The following TMEM132E variants were observed in gnomAD, a reference collection of about 807,000 sequenced individuals.
TMEM132E encodes transmembrane protein 132E.
Under a neutral mutation model 78.5 loss-of-function variants are expected in TMEM132E, and 49 were observed. The observed-to-expected ratio is 0.62, with a 90% confidence interval of 0.50 to 0.79. TMEM132E has a LOEUF of 0.79. Ranked by LOEUF, TMEM132E falls within the 30% of genes least tolerant of loss-of-function variation. TMEM132E has a pLI of 0.00. For missense variants in TMEM132E, 1,403 were observed against 1,470.9 expected, an observed-to-expected ratio of 0.95 and a Z score of 0.75; for synonymous variants, 715 against 670.6, an observed-to-expected ratio of 1.07 and a Z score of -1.02.
At chr17:34,581,594 C>T (rs953025439) in intron 1 of TMEM132E, among the ~76,000 whole-genome samples, 2 of 150,582 alleles carry the variant, frequency 1.3e-5, no homozygotes, top group African/African-American at 2.4e-5. Context: ...CCGCGCCGCC[C>T]GTCGCCTCGC....
chr17:34,628,685 C>T lies in TMEM132E; in HGVS notation c.1121C>T (p.Ala374Val). The T allele has an allele frequency of 1.2e-6, 2 of 1,609,898 alleles. No individual in the cohort carries two copies. The highest frequency in any genetic ancestry group is 2.2e-5 in the East Asian group (1 of 44,714). ...ACAGCCACCGTGGATGTGGCCTGGG[C>T]TCAGAGCACACCCCTGCCCCCCAGG... ...HSTATVDVAW[A>V]QSTPLPPREG... Residue 374 changes from alanine to valine, a missense_variant, in exon 3 of 9, where the codon GCT (alanine) becomes GTT (valine). Transcript: ENST00000631683.
chr17:34,623,635 G>A (rs186259186), intron 1 of TMEM132E, among the ~76,000 whole-genome samples: 62 of 152,352 alleles, frequency 4.1e-4, no homozygotes, highest in African/African-American at 1.5e-3. Context: ...ATCCCTGTGA[G>A]GGGGAGGGAC....
chr17:34,625,584 G>A (rs1220310994), intron 1 of TMEM132E, among the ~76,000 whole-genome samples: 2 of 150,766 alleles, frequency 1.3e-5, no homozygotes, highest in African/African-American at 2.5e-5. Flanking sequence ...AAAACTGGTC[G>A]CGTGGATGGA....
intron 1 of TMEM132E, among the ~76,000 whole-genome samples, chr17:34,591,801 T>C (rs1905877745): frequency 6.6e-6 from 1 of 152,198 alleles, no homozygotes; most frequent in South Asian, 2.1e-4. Context: ...TGAAATGGTG[T>C]GGGCTGCCTG....
chr17:34,633,859 T>G (rs941047451), intron 6 of TMEM132E, among the ~76,000 whole-genome samples: 3 of 152,228 alleles, frequency 2.0e-5, no homozygotes, highest in Non-Finnish European at 2.9e-5. Context: ...GCGATACTGC[T>G]TTGAGTAGCA....
rs1174230577 is a variant in TMEM132E at position 34,626,186 on chromosome 17, C to T, written c.127C>T (p.Leu43=). ...GCCGGGGCCGCAGGCCAGCCCGGTG[C>T]TGCCAGTCAGCTACCGCCTGTCGCA... is the stretch of plus-strand genomic sequence containing the variant. ...SPPGPQASPV[L]PVSYRLSHTR... Residue 43 remains leucine, a synonymous_variant, in exon 2 of 9, where the codon CTG becomes TTG. Transcript: ENST00000631683. The T allele has an allele frequency of 6.4e-6, 10 of 1,565,836 alleles. No homozygotes were observed. The highest frequency in any genetic ancestry group is 1.9e-5 in the Admixed American group (1 of 53,678).
chr17:34,581,266 C>G, intron 1 of TMEM132E, 123 bp downstream of exon 1: 2 of 938,044 alleles, frequency 2.1e-6, no homozygotes, highest in Non-Finnish European at 2.9e-6. Context: ...CCGGGTTTGG[C>G]GTCTCTGGCT....
At position 34,626,728 on chromosome 17, in the gene TMEM132E, G is replaced by A. The variant is rs1907148266; in HGVS notation, c.669G>A (p.Ala223=). 7.3e-7 allele frequency: 1 copy of A among 1,375,476 alleles called. No homozygotes were observed. Among genetic ancestry groups the A allele is most frequent in the Non-Finnish European group, 9.6e-7 (1 of 1,046,594 alleles). The allele number at this position is 1,375,476 out of a possible 1,614,324, so 85.2% of individuals were successfully genotyped here. The change falls in exon 2 of 9, where the codon GCG becomes GCA. Residue 223 remains alanine, a synonymous_variant. Coordinates refer to ENST00000631683, the MANE Select transcript of TMEM132E (RefSeq NM_001304438.2). ...RKSPDGLEPE[A]TGESQQAELY... ...CCCCGGACGGGCTGGAGCCCGAGGC[G>A]ACGGGGGAGAGCCAGCAGGCCGAGC... is the stretch of plus-strand genomic sequence containing the variant.
chr17:34,584,018 G>A (rs148584789), intron 1 of TMEM132E, among the ~76,000 whole-genome samples: 2 of 152,312 alleles, frequency 1.3e-5, no homozygotes, highest in African/African-American at 4.8e-5. Context: ...CTGTTAGTTT[G>A]AATAGGAGTT....
In TMEM132E at chr17:34,634,738, G is replaced by T. The variant is rs537272489; in HGVS notation, c.1689-61G>T. 167 of 1,532,116 alleles carry T rather than the reference G, an allele frequency of 1.1e-4. No homozygotes were observed. The African/African-American group carries it at 2.1e-3, about 19-fold the overall frequency. The allele number at this position is 1,532,116 out of a possible 1,614,324, so 94.9% of individuals were successfully genotyped here. A position where few individuals can be genotyped will look rare whatever the true frequency, so the allele number is the denominator to read the frequency against. On this transcript the variant is annotated intron_variant, in intron 6 of 8. Transcript: ENST00000631683. ...ACCCAACAGGGCAAGGGTGCGGGGTGTGTACTGTGCAGGTCAGAGTCCAGG... is the reference window on the plus strand; with the variant it reads ...ACCCAACAGGGCAAGGGTGCGGGGTTTGTACTGTGCAGGTCAGAGTCCAGG...
chr17:34,626,462 G>A lies in TMEM132E; in HGVS notation c.403G>A (p.Val135Met). Reference sequence around the variant, plus strand: ...GCGGGCCTTCATCGTCCGCTCGCACGTGCCCGCCTCGCAGCCCGTGGTCCA... The same window carrying A: ...GCGGGCCTTCATCGTCCGCTCGCACATGCCCGCCTCGCAGCCCGTGGTCCA... Reference protein sequence around the residue: ...KVRAFIVRSHVPASQPVVQVL... With the variant: ...KVRAFIVRSHMPASQPVVQVL... The change falls in exon 2 of 9, where the codon GTG becomes ATG. Residue 135 changes from valine to methionine, a missense_variant. Around this residue, in one of 3 missense-constraint regions of TMEM132E, gnomAD observed 511 missense variants for 499.0 expected, o/e 1.02. Coordinates refer to ENST00000631683, the MANE Select transcript of TMEM132E (RefSeq NM_001304438.2). 1.2e-6 allele frequency: 2 copies of A among 1,613,012 alleles called. No individual in the cohort carries two copies. Among genetic ancestry groups the A allele is most frequent in the Non-Finnish European group, 1.7e-6 (2 of 1,179,834 alleles).
intron 1 of TMEM132E, among the ~76,000 whole-genome samples, chr17:34,583,779 G>A (rs766177367): frequency 5.6e-4 from 86 of 152,222 alleles, no homozygotes; most frequent in Non-Finnish European, 9.7e-4. Flanking sequence ...CACAGGCAGC[G>A]TGGTCTCTGG....
intron 1 of TMEM132E, among the ~76,000 whole-genome samples, chr17:34,611,232 G>A (rs933419805): frequency 9.9e-5 from 15 of 152,234 alleles, no homozygotes; most frequent in Admixed American, 6.5e-5. Context: ...TGTGGGTTGG[G>A]GAGTGGGAGA....
intron 1 of TMEM132E, among the ~76,000 whole-genome samples, chr17:34,602,950 T>C (rs1361625756): frequency 2.0e-5 from 3 of 152,118 alleles, no homozygotes; most frequent in Admixed American, 6.5e-5. Flanking sequence ...TCCAAGATCT[T>C]CCTGGAGATG....
rs779202805 is a variant in TMEM132E, at chr17:34,629,027, C to G, written c.1161C>G (p.Pro387=). The G allele has an allele frequency of 1.3e-6, 2 of 1,572,602 alleles. No individual in the cohort carries two copies. Among genetic ancestry groups the G allele is most frequent in the African/African-American group, 2.7e-5 (2 of 74,386 alleles). The change falls in exon 4 of 9, where the codon CCC becomes CCG. Residue 387 remains proline (P), a synonymous_variant. Coordinates refer to ENST00000631683, the MANE Select transcript of TMEM132E (RefSeq NM_001304438.2). ...TPLPPREGQG[P]LEILQLDFEM... ...ACCCTGGCAGGGAGGGCCAGGGCCCCTTGGAGATCTTGCAGCTGGACTTTG... is the reference window on the plus strand; with the variant it reads ...ACCCTGGCAGGGAGGGCCAGGGCCCGTTGGAGATCTTGCAGCTGGACTTTG...
chr17:34,587,151 G>T (rs979451164), intron 1 of TMEM132E, among the ~76,000 whole-genome samples: 1 of 152,180 alleles, frequency 6.6e-6, no homozygotes, highest in Non-Finnish European at 1.5e-5. Flanking sequence ...AAATGGTCCA[G>T]GTTCTCAGCA....
intron 1 of TMEM132E, 92 bp downstream of exon 1, chr17:34,581,235 C>T: frequency 1.7e-6 from 2 of 1,164,020 alleles, no homozygotes; most frequent in Middle Eastern, 4.7e-4. Context: ...ACCCACACCC[C>T]CTGGACTCGC....
intron 6 of TMEM132E, among the ~76,000 whole-genome samples, chr17:34,633,593 A>G (rs1953000320): frequency 6.6e-6 from 1 of 152,240 alleles, no homozygotes; most frequent in African/African-American, 2.4e-5. Flanking sequence ...AAGAGAGGAA[A>G]GTGACAGGCA....
chr17:34,638,223 G>C lies in TMEM132E; in HGVS notation c.3216G>C (p.Glu1072Asp). 1 of 1,585,130 alleles carries C rather than the reference G, an allele frequency of 6.3e-7. No individual in the cohort carries two copies. Among genetic ancestry groups the C allele is most frequent in the South Asian group, 1.2e-5 (1 of 86,380 alleles). ...DLHNYMRRIK[E>D]IA ...ACAATTACATGCGCAGAATCAAAGA[G>C]ATTGCATAGAGGCGCCAGCCGGAGT... The change falls in exon 9 of 9, where the codon GAG (glutamate) becomes GAC (aspartate). Residue 1072 changes from glutamate to aspartate, a missense_variant. This residue lies in a region of TMEM132E where 888 missense variants were observed against 952.8 expected (regional missense o/e 0.93). Transcript: ENST00000631683.
Sources: allele counts gnomAD v4.1 joint callset (sites outside exome capture counted in the v4.1 genomes callset), GRCh38; gene constraint gnomAD v4.1.1; regional missense constraint gnomAD v4.1.1; transcripts MANE v1.5; gene names NCBI Gene and HGNC (gene_info 2026-07-23, HGNC 2026-07-21).